The following SNTG1 variants were observed in gnomAD, a reference collection of about 807,000 sequenced individuals.
SNTG1 encodes the protein syntrophin gamma 1, also known as gamma-1-syntrophin.
Under a neutral mutation model 74.7 loss-of-function variants are expected in SNTG1, and 39 were observed. The observed-to-expected ratio is 0.52, with a 90% confidence interval of 0.40 to 0.68. The LOEUF is 0.68. Ranked by LOEUF, SNTG1 falls within the 30% of genes least tolerant of loss-of-function variation. The probability of loss-of-function intolerance (pLI) is 0.00; values close to 1 mark genes in which losing one functional copy is unlikely to be tolerated. For synonymous variants in SNTG1, 254 were observed against 217.1 expected, an observed-to-expected ratio of 1.17 and a Z score of -1.49; for missense variants, 685 against 609.5, an observed-to-expected ratio of 1.12 and a Z score of -1.30.
At chr8:50,786,328 T>G (rs1162430754) in intron 18 of SNTG1, among the ~76,000 whole-genome samples, 1 of 151,968 alleles carries the variant, frequency 6.6e-6, no homozygotes, top group Non-Finnish European at 1.5e-5. Context: ...AAATATTGTG[T>G]ACTGAAAACT....
chr8:50,672,000 C>T (rs2095285747), intron 15 of SNTG1, among the ~76,000 whole-genome samples: 1 of 129,672 alleles, frequency 7.7e-6, no homozygotes, highest in Non-Finnish European at 1.5e-5. Flanking sequence ...ACAATGAGAA[C>T]ACATGGACAC....
At chr8:50,649,867 C>G (rs2095134005) in intron 13 of SNTG1, among the ~76,000 whole-genome samples, 1 of 151,700 alleles carries the variant, frequency 6.6e-6, no homozygotes, top group Admixed American at 6.6e-5. Context: ...TATTTGGCAA[C>G]ATTGAGAAAT....
At chr8:50,211,478 C>G (rs780086383) in intron 2 of SNTG1, among the ~76,000 whole-genome samples, 5 of 151,988 alleles carry the variant, frequency 3.3e-5, no homozygotes, top group Non-Finnish European at 5.9e-5. Context: ...CATTATCTTT[C>G]TTAATCCTGA....
At chr8:50,498,088 G>A (rs917280370) in intron 8 of SNTG1, among the ~76,000 whole-genome samples, 2 of 151,694 alleles carry the variant, frequency 1.3e-5, no homozygotes, top group African/African-American at 4.8e-5. Flanking sequence ...AAAAGTATTT[G>A]TAAGTACATT....
At position 50,752,057 on chromosome 8, in the gene SNTG1, G is replaced by C. The variant is rs778092450; in HGVS notation, c.1341G>C (p.Lys447Asn). ...TTAAAGGTTCTTCAGATGATGGCAA[G>C]AGCAAAATCAAATTTTTGTTTCAGA... ...SQLKGSSDDGKSKIKFLFQNP... is the reference protein window; with the variant it reads ...SQLKGSSDDGNSKIKFLFQNP... Residue 447 changes from lysine to asparagine, a missense_variant, in exon 18 of 19, where the codon AAG becomes AAC. Coordinates refer to ENST00000642720, the MANE Select transcript of SNTG1 (RefSeq NM_018967.5). 9 of 1,566,462 alleles carry C rather than the reference G, an allele frequency of 5.7e-6. No individual in the cohort carries two copies. The highest frequency in any genetic ancestry group is 2.8e-5 in the African/African-American group (2 of 71,326).
chr8:50,078,928 A>ATG (rs1822148868), intron 1 of SNTG1, among the ~76,000 whole-genome samples: 1 of 152,162 alleles, frequency 6.6e-6, no homozygotes, highest in Non-Finnish European at 1.5e-5. Flanking sequence ...CATGGTGTAT[A>ATG]TGTGCCACAT....
intron 1 of SNTG1, among the ~76,000 whole-genome samples, chr8:50,049,422 T>C (rs1819377368): frequency 6.6e-6 from 1 of 152,160 alleles, no homozygotes; most frequent in Non-Finnish European, 1.5e-5. Flanking sequence ...TATTTATGCA[T>C]GGATTGATTC....
At chr8:50,545,200 C>A (rs1231984293) in intron 11 of SNTG1, among the ~76,000 whole-genome samples, 3 of 151,780 alleles carry the variant, frequency 2.0e-5, no homozygotes, top group African/African-American at 7.2e-5. Context: ...AGTTGTGTTA[C>A]AGTCATGTAC....
chr8:50,312,065 ATG>A (rs1172834047), intron 2 of SNTG1, among the ~76,000 whole-genome samples: 1 of 119,242 alleles, frequency 8.4e-6, no homozygotes, highest in Admixed American at 9.4e-5. Flanking sequence ...ATGTTTTTGT[ATG>A]TTTTTAAAAT....
intron 8 of SNTG1, among the ~76,000 whole-genome samples, chr8:50,493,584 T>C (rs936867427): frequency 7.2e-5 from 11 of 152,086 alleles, no homozygotes; most frequent in Admixed American, 6.6e-4. Flanking sequence ...TTGAGTGGTG[T>C]TGATTAAACA....
rs549005716 is a variant in SNTG1 at position 50,734,990 on chromosome 8, T to A, written c.1285-17011T>A. Among the ~76,000 whole-genome samples, 4 of 146,602 alleles carry A rather than the reference T, an allele frequency of 2.7e-5. No individual in the cohort carries two copies. The East Asian group carries it at 6.1e-4, about 22-fold the overall frequency. On this transcript the variant is annotated intron_variant, in intron 17 of 18. Transcript: ENST00000642720. ...CCATATATATCTATCCATATATATGTCCATATATATATATCTCAACCATGC... is the reference window on the plus strand; with the variant it reads ...CCATATATATCTATCCATATATATGACCATATATATATATCTCAACCATGC...
intron 8 of SNTG1, among the ~76,000 whole-genome samples, chr8:50,494,878 C>A (rs2093890170): frequency 6.6e-6 from 1 of 151,910 alleles, no homozygotes; most frequent in East Asian, 1.9e-4. Flanking sequence ...TTTCAATATT[C>A]TTTTCTAACT....
Position 50,143,710 on chromosome 8 carries a change from G to T in SNTG1, c.-102-28851G>T, listed in dbSNP as rs367946874. Among the ~76,000 whole-genome samples, 43 of 152,204 alleles carry T rather than the reference G, an allele frequency of 2.8e-4. 1 individual carries two copies. In the South Asian group the frequency reaches 7.5e-3, roughly 26 times the overall value. On this transcript the variant is annotated intron_variant, in intron 1 of 18. Transcript: ENST00000642720. ...TACTGTTTGGGCGCATAACTCTGTT[G>T]GTCTGGTTTAATTTTAGAGTGTATT...
intron 15 of SNTG1, among the ~76,000 whole-genome samples, chr8:50,701,672 C>T (rs112257975): frequency 6.9e-6 from 1 of 144,182 alleles, no homozygotes; most frequent in African/African-American, 2.7e-5. Flanking sequence ...TCTTCTTCTT[C>T]CTTCTTCTTC....
At chr8:50,202,300 C>G (rs1221712785) in intron 2 of SNTG1, among the ~76,000 whole-genome samples, 6 of 152,194 alleles carry the variant, frequency 3.9e-5, no homozygotes, top group African/African-American at 1.4e-4. Context: ...TCATACAGCA[C>G]AGTGTTAATG....
At chr8:50,278,701 A>C (rs1382205308) in intron 2 of SNTG1, among the ~76,000 whole-genome samples, 1 of 152,020 alleles carries the variant, frequency 6.6e-6, no homozygotes, top group African/African-American at 2.4e-5. Flanking sequence ...TGCTAAAAAA[A>C]AATTTGGAAA....
intron 1 of SNTG1, among the ~76,000 whole-genome samples, chr8:49,917,185 A>C (rs1806123770): frequency 6.6e-6 from 1 of 152,156 alleles, no homozygotes; most frequent in Non-Finnish European, 1.5e-5. Flanking sequence ...GTTTGTCATC[A>C]ATTGGTTGTG....
At chr8:50,780,607 A>T (rs768559031) in intron 18 of SNTG1, among the ~76,000 whole-genome samples, 2 of 151,984 alleles carry the variant, frequency 1.3e-5, no homozygotes, top group Non-Finnish European at 2.9e-5. Flanking sequence ...CTTCTTTATT[A>T]GCCTTGCTAG....
At chr8:50,076,059 A>G (rs1182591113) in intron 1 of SNTG1, among the ~76,000 whole-genome samples, 3 of 152,200 alleles carry the variant, frequency 2.0e-5, no homozygotes, top group Non-Finnish European at 4.4e-5. Flanking sequence ...CAAATCTTCA[A>G]TTTGTAAAAA....
Sources: allele counts gnomAD v4.1 joint callset (sites outside exome capture counted in the v4.1 genomes callset), GRCh38; gene constraint gnomAD v4.1.1; transcripts MANE v1.5; gene names NCBI Gene and HGNC (gene_info 2026-07-23, HGNC 2026-07-21).